Variants in CMYA5 observed in about 807,000 individuals in gnomAD.
The protein encoded by CMYA5 is cardiomyopathy-associated protein 5.
Under a neutral mutation model 318.9 loss-of-function variants are expected in CMYA5, and 246 were observed. That is an observed-to-expected ratio of 0.77 (90% confidence interval 0.70 to 0.86). The LOEUF (loss-of-function observed/expected upper bound fraction) is 0.86, where lower values mean the gene tolerates loss of function less well. Ranked by LOEUF, CMYA5 falls within the 40% of genes least tolerant of loss-of-function variation. CMYA5 has a pLI of 0.00. For missense variants in CMYA5, 4,589 were observed against 4,678.2 expected, an observed-to-expected ratio of 0.98 and a Z score of 0.56; for synonymous variants, 1,641 against 1,729.5, an observed-to-expected ratio of 0.95 and a Z score of 1.27.
At position 79,737,235 on chromosome 5, in the gene CMYA5, G is replaced by A. The variant is rs1223721325; in HGVS notation, c.8470G>A (p.Ala2824Thr). Residue 2824 changes from alanine (A) to threonine (T), a missense_variant, in exon 2 of 13, where the codon GCT (alanine) becomes ACT (threonine). By Grantham distance (58) the Ala-to-Thr change is moderately conservative. Around this residue, in one of 3 missense-constraint regions of CMYA5, gnomAD observed 2,431 missense variants for 2,495.1 expected, o/e 0.97. Transcript: ENST00000446378. ...PVKPQTLASG[A>T]SPEINAVKKK... Reference sequence around the variant, plus strand: ...AAAACCACAAACTCTTGCTTCAGGAGCTTCTCCAGAAATTAACGCAGTGAA... The same window carrying A: ...AAAACCACAAACTCTTGCTTCAGGAACTTCTCCAGAAATTAACGCAGTGAA... The A allele has an allele frequency of 6.2e-7, 1 of 1,613,694 alleles. No individual in the cohort carries two copies.
chr5:79,759,505 G>A (rs1828604970), intron 7 of CMYA5, among the ~76,000 whole-genome samples: 1 of 152,244 alleles, frequency 6.6e-6, no homozygotes, highest in African/African-American at 2.4e-5. Context: ...GGATAGAAAT[G>A]AAAGTGCTTA....
At chr5:79,792,206 C>G (rs1829193011) in intron 11 of CMYA5, among the ~76,000 whole-genome samples, 2 of 152,190 alleles carry the variant, frequency 1.3e-5, no homozygotes, top group African/African-American at 4.8e-5. Context: ...CATTTGTCAG[C>G]CACTTACTCA....
chr5:79,731,020 C>T lies in CMYA5; in HGVS notation c.2255C>T (p.Pro752Leu). 1.9e-6 allele frequency: 3 copies of T among 1,613,550 alleles called. No homozygotes were observed. Among genetic ancestry groups the T allele is most frequent in the Admixed American group, 1.7e-5 (1 of 59,984 alleles). The stretch of plus-strand genomic sequence containing the variant: ...CCAGCTGTGGCCCCTGCTTCTGAGC[C>T]CTCTCTCTCACCATCCACAACCGAA... ...FTPAVAPASE[P>L]SLSPSTTEKT... The change falls in exon 2 of 13, where the codon CCC becomes CTC. Residue 752 changes from proline to leucine, a missense_variant. Pro to Leu is a moderately conservative substitution (Grantham distance 98). Coordinates refer to ENST00000446378, the MANE Select transcript of CMYA5 (RefSeq NM_153610.5).
intron 9 of CMYA5, among the ~76,000 whole-genome samples, chr5:79,769,615 G>T (rs1490036289): frequency 6.6e-6 from 1 of 152,248 alleles, no homozygotes; most frequent in Admixed American, 6.5e-5. Flanking sequence ...GTTTGCCTGG[G>T]TATCACAAGC....
At position 79,738,047 on chromosome 5, in the gene CMYA5, A is replaced by C; in HGVS notation, c.9282A>C (p.Pro3094=). ...TTACAGAAGAAACTATCTCTTTCCCAGTAAGTTCAGTGGAAAGTGCACTAG... is the reference window on the plus strand; with the variant it reads ...TTACAGAAGAAACTATCTCTTTCCCCGTAAGTTCAGTGGAAAGTGCACTAG... The part of the protein sequence containing the change: ...KEVTEETISF[P]VSSVESALEH... The change falls in exon 2 of 13, where the codon CCA becomes CCC. Residue 3094 remains proline (P), a synonymous_variant. Coordinates refer to ENST00000446378, the MANE Select transcript of CMYA5 (RefSeq NM_153610.5). 6.2e-7 allele frequency: 1 copy of C among 1,613,162 alleles called. No homozygotes were observed.
At position 79,758,756 on chromosome 5, in the gene CMYA5, C is replaced by T. The variant is rs1475824791; in HGVS notation, c.11114C>T (p.Pro3705Leu). The part of the protein sequence containing the change: ...SDQMLKQVAV[P>L]QPPRLEPQEP... The stretch of plus-strand genomic sequence containing the variant: ...ATAAAACTTGTTTATATTCCAGTTC[C>T]ACAGCCTCCTAGATTAGAACCTCAG... Residue 3705 changes from proline to leucine, a missense_variant, in exon 7 of 13, where the codon CCA (proline) becomes CTA (leucine). Coordinates refer to ENST00000446378, the MANE Select transcript of CMYA5 (RefSeq NM_153610.5). 2 of 1,590,424 alleles carry T rather than the reference C, an allele frequency of 1.3e-6. No individual in the cohort carries two copies. The highest frequency in any genetic ancestry group is 2.7e-5 in the African/African-American group (2 of 73,846).
Position 79,739,178 on chromosome 5 carries a change from AC to A in CMYA5, c.10414del (p.Gln3472LysfsTer24). The A allele has an allele frequency of 1.9e-6, 3 of 1,613,614 alleles. No homozygotes were observed. In the South Asian group the frequency reaches 3.3e-5, roughly 18 times the overall value. ...SENEFASEAE[Q>X]STPAEQKELG... ...AAAATGAATTTGCGAGTGAGGCAGA[AC>A]AAAGTACACCTGCTGAACAAAAAGA... On this transcript the variant is annotated frameshift_variant, in exon 2 of 13. Coordinates refer to ENST00000446378, the MANE Select transcript of CMYA5 (RefSeq NM_153610.5). LOFTEE classifies it high-confidence loss of function.
In CMYA5 at chr5:79,736,968, G is replaced by A; in HGVS notation, c.8203G>A (p.Glu2735Lys). Residue 2735 changes from glutamate (E) to lysine (K), a missense_variant, in exon 2 of 13, where the codon GAG becomes AAG. By Grantham distance (56) the Glu-to-Lys change is moderately conservative (BLOSUM62 1). This residue lies in a region of CMYA5 where 2,431 missense variants were observed against 2,495.1 expected (regional missense o/e 0.97). Transcript: ENST00000446378. ...PVVLSCHDEI[E>K]NHSLSQEGNL... ...GGTTCTTTCTTGTCATGATGAAATA[G>A]AGAACCACTCTTTGTCTCAGGAAGG... The A allele has an allele frequency of 1.2e-6, 2 of 1,613,300 alleles. No individual in the cohort carries two copies. Among genetic ancestry groups the A allele is most frequent in the Non-Finnish European group, 1.7e-6 (2 of 1,179,730 alleles).
At chr5:79,740,458 GA>G (rs1372923155) in intron 2 of CMYA5, among the ~76,000 whole-genome samples, 1 of 152,204 alleles carries the variant, frequency 6.6e-6, no homozygotes, top group Non-Finnish European at 1.5e-5. Flanking sequence ...ATCCTTTAAA[GA>G]GACACATTTA....
chr5:79,733,299 C>T lies in CMYA5; in HGVS notation c.4534C>T (p.Gln1512Ter), dbSNP rs778850658. ...TGACTCTGAACGTTTGGTTTCATCACAGAAGAAGAGCTTGATGTCTACCTC... is the reference window on the plus strand; with the variant it reads ...TGACTCTGAACGTTTGGTTTCATCATAGAAGAAGAGCTTGATGTCTACCTC... The part of the protein sequence containing the change: ...VCDSERLVSS[Q>*]KKSLMSTSEV... Residue 1512 changes from glutamine (Q) to a stop codon, truncating the protein, a stop_gained, in exon 2 of 13, where the codon CAG becomes TAG. Transcript: ENST00000446378. LOFTEE classifies it high-confidence loss of function. 6.2e-7 allele frequency: 1 copy of T among 1,613,674 alleles called. No homozygotes were observed. The highest frequency in any genetic ancestry group is 1.7e-5 in the Admixed American group (1 of 60,014).
At chr5:79,762,847 G>T in intron 8 of CMYA5, 1 of 520,754 alleles carries the variant, frequency 1.9e-6, no homozygotes, top group Non-Finnish European at 3.4e-6. Flanking sequence ...GGGCTGTTTG[G>T]GGATGGGTGA....
At chr5:79,791,224 C>T (rs538268211) in intron 11 of CMYA5, among the ~76,000 whole-genome samples, 155 bp downstream of exon 11, 35 of 152,138 alleles carry the variant, frequency 2.3e-4, no homozygotes, top group African/African-American at 7.5e-4. Flanking sequence ...CCACACTGTT[C>T]GGCTGTGGTT....
rs1826927893 is a variant in CMYA5, at chr5:79,690,051, C to T, written c.144C>T (p.Asp48=). Reference sequence around the variant, plus strand: ...CGGCGGAGTCGGAGGAGGAGCCGGACTCCAGGTAGCGCGAGCCTCTCTCCT... The same window carrying T: ...CGGCGGAGTCGGAGGAGGAGCCGGATTCCAGGTAGCGCGAGCCTCTCTCCT... ...ETAAESEEEP[D]SRLSDQDEEG... Residue 48 remains aspartate (D), a synonymous_variant, in exon 1 of 13, where the codon GAC becomes GAT. Coordinates refer to ENST00000446378, the MANE Select transcript of CMYA5 (RefSeq NM_153610.5). 1.4e-6 allele frequency: 2 copies of T among 1,446,930 alleles called. No individual in the cohort carries two copies. Among genetic ancestry groups the T allele is most frequent in the African/African-American group, 1.5e-5 (1 of 67,142 alleles). 89.6% of individuals were successfully genotyped at this position (1,446,930 alleles called of 1,614,324 possible). A position where few individuals can be genotyped will look rare whatever the true frequency, so the allele number is the denominator to read the frequency against.
At chr5:79,773,025 A>G (rs1047882032) in intron 9 of CMYA5, among the ~76,000 whole-genome samples, 3 of 152,224 alleles carry the variant, frequency 2.0e-5, no homozygotes, top group Admixed American at 6.5e-5. Context: ...TGTCCATTAT[A>G]TTAGAACCCC....
At chr5:79,699,569 G>T (rs1221202861) in intron 1 of CMYA5, among the ~76,000 whole-genome samples, 1 of 152,174 alleles carries the variant, frequency 6.6e-6, no homozygotes, top group African/African-American at 2.4e-5. Context: ...TAGAAAGAGG[G>T]AAGTGGGTGC....
chr5:79,693,084 G>A (rs940625130), intron 1 of CMYA5, among the ~76,000 whole-genome samples: 3 of 152,120 alleles, frequency 2.0e-5, no homozygotes, highest in Non-Finnish European at 2.9e-5. Flanking sequence ...CATGCTACCT[G>A]GAAGGGTTGG....
intron 9 of CMYA5, among the ~76,000 whole-genome samples, chr5:79,769,136 C>T (rs1828810024): frequency 6.6e-6 from 1 of 151,962 alleles, no homozygotes; most frequent in African/African-American, 2.4e-5. Context: ...CTGTGTTTTT[C>T]AGGTCCATTA....
intron 2 of CMYA5, among the ~76,000 whole-genome samples, chr5:79,742,519 T>A (rs1032156212): frequency 6.6e-6 from 1 of 152,106 alleles, no homozygotes; most frequent in Non-Finnish European, 1.5e-5. Context: ...AAAATCAATT[T>A]AAAAAATTGT....
Position 79,729,522 on chromosome 5 carries a change from G to A in CMYA5, c.757G>A (p.Val253Ile). The A allele has an allele frequency of 1.2e-6, 2 of 1,612,172 alleles. No individual in the cohort carries two copies. Among genetic ancestry groups the A allele is most frequent in the South Asian group, 1.1e-5 (1 of 90,692 alleles). The change falls in exon 2 of 13, where the codon GTA becomes ATA. Residue 253 changes from valine to isoleucine, a missense_variant. By Grantham distance (29) the Val-to-Ile change is conservative. Transcript: ENST00000446378. ...QFYGTLPKGY[V>I]IKEIHYRKGK... is the part of the protein sequence containing the mutation. Reference sequence around the variant, plus strand: ...TTATGGAACATTGCCAAAGGGTTATGTAATTAAAGAAATACATTATAGGAA... The same window carrying A: ...TTATGGAACATTGCCAAAGGGTTATATAATTAAAGAAATACATTATAGGAA...
Sources: gnomAD v4.1 joint callset for allele counts (sites outside exome capture counted in the v4.1 genomes callset) on GRCh38, gnomAD v4.1.1 for gene constraint, gnomAD v4.1.1 regional missense constraint, MANE v1.5 for transcripts, NCBI Gene and HGNC (gene_info 2026-07-23, HGNC 2026-07-21) for gene names.